Variants in BCAS3 observed in about 807,000 individuals in gnomAD.
BCAS3 encodes the protein BCAS4/BCAS3 fusion.
A neutral mutation model predicts 116.1 loss-of-function variants in BCAS3; 53 were observed. The observed-to-expected ratio is 0.46, with a 90% CI of 0.37 to 0.57. The LOEUF (loss-of-function observed/expected upper bound fraction) is 0.57, where lower values mean the gene tolerates loss of function less well. BCAS3 is among the 20% of genes least tolerant of loss of function. The pLI is 0.00. For missense variants in BCAS3, 917 were observed against 1,165.4 expected, an observed-to-expected ratio of 0.79 and a Z score of 3.10; for synonymous variants, 391 against 408.2, an observed-to-expected ratio of 0.96 and a Z score of 0.51.
chr17:61,268,843 C>T (rs2049986197), intron 22 of BCAS3, among the ~76,000 whole-genome samples: 1 of 152,168 alleles, frequency 6.6e-6, no homozygotes, highest in Non-Finnish European at 1.5e-5. Flanking sequence ...CAGGCGTGAG[C>T]CACCACATCC....
At chr17:60,848,034 A>G (rs79813971) in intron 7 of BCAS3, among the ~76,000 whole-genome samples, 4,606 of 152,264 alleles carry the variant, frequency 0.03, 180 homozygotes, top group East Asian at 0.092. Context: ...AGAAATATCT[A>G]CTTGTCCCAA....
chr17:61,021,377 T>C lies in BCAS3; in HGVS notation c.1637+5476T>C, dbSNP rs2065865483. On this transcript the variant is annotated intron_variant, in intron 16 of 23. Transcript: ENST00000407086. This position sits in a 1 kb window ranked among gnomAD's most constrained non-coding sequence, Gnocchi z 4.6. ...ACCCGGCCATGTTTATTCATTTCTTTGTGAAGATTTAGGTGGTTATTAGGA... is the reference window on the plus strand; with the variant it reads ...ACCCGGCCATGTTTATTCATTTCTTCGTGAAGATTTAGGTGGTTATTAGGA... Among the ~76,000 whole-genome samples, 2 of 152,232 alleles carry C rather than the reference T, an allele frequency of 1.3e-5. No homozygotes were observed. Among genetic ancestry groups the C allele is most frequent in the South Asian group, 2.1e-4 (1 of 4,822 alleles).
At chr17:60,946,656 T>A (rs1053097687) in intron 13 of BCAS3, among the ~76,000 whole-genome samples, 1 of 152,174 alleles carries the variant, frequency 6.6e-6, no homozygotes, top group Non-Finnish European at 1.5e-5. Context: ...ATGCCTGTAA[T>A]CTCAGAGCTT....
Position 60,850,984 on chromosome 17 carries a change from G to A in BCAS3, c.477-17592G>A, listed in dbSNP as rs148105099. ...TCTAAAGTTTGTATGGAAAGGCAAT[G>A]CTCCTAGAAGATAACATAGAAAATC... is the stretch of plus-strand genomic sequence containing the variant. On this transcript the variant is annotated intron_variant, in intron 7 of 23. Transcript: ENST00000407086. 5.7e-3 allele frequency among the ~76,000 whole-genome samples: 870 copies of A among 152,308 alleles called. 9 individuals are homozygous for A. Among genetic ancestry groups the A allele is most frequent in the Non-Finnish European group, 8.0e-3 (545 of 68,024 alleles).
chr17:60,823,746 C>G (rs1187191364), intron 7 of BCAS3, among the ~76,000 whole-genome samples: 7 of 152,168 alleles, frequency 4.6e-5, no homozygotes, highest in Non-Finnish European at 1.0e-4. Flanking sequence ...ATGTAATACA[C>G]TACATGGAGA....
In BCAS3 at chr17:61,220,209, G is replaced by A. The variant is rs546807402; in HGVS notation, c.2425+135645G>A. On this transcript the variant is annotated intron_variant, in intron 22 of 23. Transcript: ENST00000407086. This position sits in a 1 kb window ranked among gnomAD's most constrained non-coding sequence, Gnocchi z 4.5. ...CTCAGGAGGCTGAGGCAGGAGAGTC[G>A]CTTGAATCTGGGAGGCAGAGGTTGC... 1.4e-4 allele frequency among the ~76,000 whole-genome samples: 22 copies of A among 152,218 alleles called. No homozygotes were observed. The South Asian group carries it at 2.1e-3, about 14-fold the overall frequency.
chr17:60,696,154 T>C (rs981301135), intron 4 of BCAS3, among the ~76,000 whole-genome samples: 6 of 152,190 alleles, frequency 3.9e-5, no homozygotes, highest in African/African-American at 1.4e-4. Flanking sequence ...CACTCTCCCA[T>C]TATTGGAATA....
At chr17:61,360,871 G>A (rs754992448) in intron 22 of BCAS3, among the ~76,000 whole-genome samples, 13 of 152,302 alleles carry the variant, frequency 8.5e-5, no homozygotes, top group Middle Eastern at 6.8e-3. Flanking sequence ...CTCTTCCAAC[G>A]TCATGCAGTG....
At chr17:60,842,077 T>A (rs1398326176) in intron 7 of BCAS3, among the ~76,000 whole-genome samples, 2 of 152,246 alleles carry the variant, frequency 1.3e-5, no homozygotes, top group Admixed American at 6.5e-5. Context: ...TTAGGTATGT[T>A]ATACTTCTGT....
chr17:61,091,940 T>C (rs1044204187), intron 22 of BCAS3, among the ~76,000 whole-genome samples: 1 of 152,226 alleles, frequency 6.6e-6, no homozygotes, highest in East Asian at 1.9e-4. Flanking sequence ...TACAGCTTGA[T>C]GAATTTTTAT....
intron 19 of BCAS3, among the ~76,000 whole-genome samples, chr17:61,070,737 GGCCTTCTGTATTTACACAGGCA>G (rs2071349955): frequency 6.6e-6 from 1 of 151,994 alleles, no homozygotes; most frequent in East Asian, 1.9e-4. Context: ...CTCCTAGGCT[GGCCTTCTGTATTTACACAGGCA>G]GCCTGGTAAC....
intron 6 of BCAS3, among the ~76,000 whole-genome samples, chr17:60,763,370 A>G (rs548057461): frequency 6.6e-6 from 1 of 152,322 alleles, no homozygotes; most frequent in South Asian, 2.1e-4. Flanking sequence ...GATACGTTCC[A>G]TCATTACCTA....
Position 61,348,629 on chromosome 17 carries a change from TC to T in BCAS3, c.2426-19695del, listed in dbSNP as rs1423919124. Among the ~76,000 whole-genome samples the T allele has an allele frequency of 6.6e-6, 1 of 152,030 alleles. No homozygotes were observed. The highest frequency in any genetic ancestry group is 1.5e-5 in the Non-Finnish European group (1 of 67,998). On this transcript the variant is annotated intron_variant, in intron 22 of 23. Transcript: ENST00000407086. This position sits in a 1 kb window ranked among gnomAD's most constrained non-coding sequence, Gnocchi z 4.5. ...GGAAGCTAGGGAGTAGTCAGCAATT[TC>T]CCAATGAAGTCAACTTGCTTTATAG...
Position 60,818,028 on chromosome 17 carries a change from T to G in BCAS3, c.476+9952T>G, listed in dbSNP as rs56956562. Among the ~76,000 whole-genome samples the G allele has an allele frequency of 1.6e-3, 240 of 152,114 alleles. 7 individuals carry two copies. In the East Asian group the frequency reaches 0.042, roughly 27 times the overall value. ...CGCCACCATGCCCTGCTAATTTTTGTAATTTTAGTAGAGATAGGGTTTCCC... is the reference window on the plus strand; with the variant it reads ...CGCCACCATGCCCTGCTAATTTTTGGAATTTTAGTAGAGATAGGGTTTCCC... On this transcript the variant is annotated intron_variant, in intron 7 of 23. Coordinates refer to ENST00000407086, the MANE Select transcript of BCAS3 (RefSeq NM_017679.5).
intron 7 of BCAS3, among the ~76,000 whole-genome samples, chr17:60,836,602 T>C (rs932158179): frequency 5.3e-5 from 8 of 152,166 alleles, no homozygotes; most frequent in African/African-American, 1.2e-4. Context: ...TTTTCTTTAT[T>C]AGAACAAACT....
rs1392204468 is a variant in BCAS3, at chr17:61,019,332, A to G, written c.1637+3431A>G. Among the ~76,000 whole-genome samples the G allele has an allele frequency of 1.3e-5, 2 of 152,176 alleles. No individual in the cohort carries two copies. Among genetic ancestry groups the G allele is most frequent in the African/African-American group, 4.8e-5 (2 of 41,428 alleles). On this transcript the variant is annotated intron_variant, in intron 16 of 23. Transcript: ENST00000407086. This position sits in a 1 kb window ranked among gnomAD's most constrained non-coding sequence, Gnocchi z 5.6. ...CTGAAGTGAAACTTCCATGAAACCT[A>G]TTCCTGGTGCCAAAAAGGTTGGGGA...
Position 61,063,665 on chromosome 17 carries a change from G to A in BCAS3, c.2030-11255G>A, listed in dbSNP as rs2070309340. ...GCTGTAGTCTGCAGCTGATCTGGGT[G>A]CAATGCTTTAGGCACCCATTAAGTG... On this transcript the variant is annotated intron_variant, in intron 19 of 23. Coordinates refer to ENST00000407086, the MANE Select transcript of BCAS3 (RefSeq NM_017679.5). This position sits in a 1 kb window ranked among gnomAD's most constrained non-coding sequence, Gnocchi z 5.3. Among the ~76,000 whole-genome samples, 1 of 152,154 alleles carries A rather than the reference G, an allele frequency of 6.6e-6. No individual in the cohort carries two copies. The highest frequency in any genetic ancestry group is 1.5e-5 in the Non-Finnish European group (1 of 68,030).
intron 5 of BCAS3, among the ~76,000 whole-genome samples, chr17:60,736,916 TCCTCCCTTCCTCCCTC>T (rs1158917578): frequency 1.8e-4 from 22 of 122,632 alleles, no homozygotes; most frequent in African/African-American, 7.4e-4. Flanking sequence ...CTTCCTCCCT[TCCTCCCTTCCTCCCTC>T]CCTTCCTTCC....
chr17:60,763,640 T>C (rs1255838970), intron 6 of BCAS3, among the ~76,000 whole-genome samples: 1 of 150,862 alleles, frequency 6.6e-6, no homozygotes, highest in East Asian at 2.0e-4. Context: ...TCATCAGGGA[T>C]ATTGGTCTAA....
Sources: gnomAD v4.1 joint callset for allele counts (sites outside exome capture counted in the v4.1 genomes callset) on GRCh38, gnomAD v4.1.1 for gene constraint, Gnocchi (gnomAD v3.1) non-coding constraint, MANE v1.5 for transcripts, NCBI Gene and HGNC (gene_info 2026-07-23, HGNC 2026-07-21) for gene names.